CCDC85C: variants seen among roughly 807,000 people sequenced by gnomAD.
CCDC85C encodes coiled-coil domain-containing protein 85C.
Under a neutral mutation model 38.3 loss-of-function variants are expected in CCDC85C, and 18 were observed. The observed-to-expected ratio is 0.47, with a 90% confidence interval of 0.33 to 0.70. The LOEUF (loss-of-function observed/expected upper bound fraction) is 0.70. Among genes scored for constraint, CCDC85C ranks in the 30% least tolerant of loss-of-function variants. The probability of loss-of-function intolerance (pLI) is 0.03; values close to 1 mark genes in which losing one functional copy is unlikely to be tolerated. For missense variants in CCDC85C, 566 were observed against 621.2 expected, an observed-to-expected ratio of 0.91 and a Z score of 0.94; for synonymous variants, 264 against 293.8, an observed-to-expected ratio of 0.90 and a Z score of 1.04.
chr14:99,583,253 C>G (rs926759588), intron 1 of CCDC85C: 1 of 152,008 alleles, frequency 6.6e-6, no homozygotes, highest in African/African-American at 2.4e-5. Context: ...ACCTGTAATC[C>G]CAGCACTTTG....
Position 99,507,408 on chromosome 14 carries a change from C to T in CCDC85C, c.*7838G>A. The stretch of plus-strand genomic sequence containing the variant: ...CCTGGGCAACAAAGTGAGACCCTGT[C>T]TAAAAAATTAGCCAGGTGTGGTAGC... On this transcript the variant is annotated 3_prime_UTR_variant, in exon 6 of 6. Coordinates refer to ENST00000380243, the MANE Select transcript of CCDC85C (RefSeq NM_001144995.2). The T allele has an allele frequency of 2.2e-6, 1 of 460,508 alleles. No homozygotes were observed. Among genetic ancestry groups the T allele is most frequent in the Non-Finnish European group, 4.0e-6 (1 of 248,712 alleles). 28.5% of individuals were successfully genotyped at this position (460,508 alleles called of 1,614,324 possible). A position where few individuals can be genotyped will look rare whatever the true frequency, so the allele number is the denominator to read the frequency against.
Position 99,503,640 on chromosome 14 carries a change from A to G in CCDC85C, c.*11606T>C. The G allele has an allele frequency of 6.4e-7, 1 of 1,559,738 alleles. No homozygotes were observed. The highest frequency in any genetic ancestry group is 8.7e-7 in the Non-Finnish European group (1 of 1,149,792). On this transcript the variant is annotated 3_prime_UTR_variant, in exon 6 of 6. Coordinates refer to ENST00000380243, the MANE Select transcript of CCDC85C (RefSeq NM_001144995.2). ...TTTCTCCCAAAGAAGAGAACAAAGCAGCAGGTAATTTCCTGTTCTGATGTT... is the reference window on the plus strand; with the variant it reads ...TTTCTCCCAAAGAAGAGAACAAAGCGGCAGGTAATTTCCTGTTCTGATGTT...
At chr14:99,538,189 C>T (rs912171553) in intron 1 of CCDC85C, among the ~76,000 whole-genome samples, 18 of 152,190 alleles carry the variant, frequency 1.2e-4, no homozygotes, top group African/African-American at 4.3e-4. Flanking sequence ...GCAGAGGCCA[C>T]AAGGAACAAA....
At chr14:99,530,705 C>T (rs948234170) in intron 2 of CCDC85C, among the ~76,000 whole-genome samples, 4 of 152,214 alleles carry the variant, frequency 2.6e-5, no homozygotes, top group Admixed American at 6.5e-5. Context: ...CCCTTGGGAC[C>T]GCCTGGGGTG....
rs764603478 is a variant in CCDC85C, at chr14:99,510,380, G to T, written c.*4866C>A. ...TGTCTGGAGAGGGCTACCAGAGCCTGCAGTCCATGATGAAGACCGAGGGAC... is the reference window on the plus strand; with the variant it reads ...TGTCTGGAGAGGGCTACCAGAGCCTTCAGTCCATGATGAAGACCGAGGGAC... On this transcript the variant is annotated 3_prime_UTR_variant, in exon 6 of 6. Transcript: ENST00000380243. The T allele has an allele frequency of 1.3e-6, 2 of 1,576,050 alleles. No individual in the cohort carries two copies. The highest frequency in any genetic ancestry group is 1.2e-5 in the South Asian group (1 of 86,122).
At chr14:99,596,077 G>A (rs1051883095) in intron 1 of CCDC85C, among the ~76,000 whole-genome samples, 17 of 152,238 alleles carry the variant, frequency 1.1e-4, no homozygotes, top group Non-Finnish European at 2.2e-4. Flanking sequence ...TGGCCCTGGG[G>A]TGGGCCCCTG....
In CCDC85C at chr14:99,572,169, T is replaced by A. The variant is rs1255079579; in HGVS notation, c.793+30998A>T. On this transcript the variant is annotated intron_variant, in intron 1 of 5. Transcript: ENST00000380243. This position sits in a 1 kb window ranked among gnomAD's most constrained non-coding sequence, Gnocchi z 4.4. ...CTGAGGGCTCAAATTCACAGGGTGGTGGTCCCTAGAAAGACCTCCAGGGTG... is the reference window on the plus strand; with the variant it reads ...CTGAGGGCTCAAATTCACAGGGTGGAGGTCCCTAGAAAGACCTCCAGGGTG... Among the ~76,000 whole-genome samples the A allele has an allele frequency of 1.3e-5, 2 of 152,164 alleles. No individual in the cohort carries two copies. The highest frequency in any genetic ancestry group is 4.8e-5 in the African/African-American group (2 of 41,442).
At chr14:99,519,065 A>G (rs1436084146) in intron 3 of CCDC85C, among the ~76,000 whole-genome samples, 1 of 136,336 alleles carries the variant, frequency 7.3e-6, no homozygotes. Flanking sequence ...CACTGCTCCC[A>G]GCAGGCACTA....
intron 1 of CCDC85C, among the ~76,000 whole-genome samples, chr14:99,538,396 C>A (rs1022400017): frequency 3.9e-5 from 6 of 152,220 alleles, no homozygotes; most frequent in African/African-American, 7.2e-5. Context: ...AGGCTCTCCG[C>A]AGCGCAATCC....
chr14:99,596,148 C>T (rs1305990058), intron 1 of CCDC85C, among the ~76,000 whole-genome samples: 1 of 152,222 alleles, frequency 6.6e-6, no homozygotes, highest in African/African-American at 2.4e-5. Flanking sequence ...GTTTCCGGCT[C>T]TCCCGGGCCT....
At chr14:99,577,661 G>T (rs1159035475) in intron 1 of CCDC85C, among the ~76,000 whole-genome samples, 1 of 150,796 alleles carries the variant, frequency 6.6e-6, no homozygotes, top group Non-Finnish European at 1.5e-5. Flanking sequence ...CATACAGCCC[G>T]TCCTGCATCC....
intron 1 of CCDC85C, among the ~76,000 whole-genome samples, chr14:99,581,419 G>C (rs896336097): frequency 2.0e-5 from 3 of 152,236 alleles, no homozygotes; most frequent in Non-Finnish European, 2.9e-5. Context: ...AGAGCTGCCA[G>C]GTAGGAGGAC....
chr14:99,515,152 AG>A lies in CCDC85C; in HGVS notation c.*93del. 1 of 864,778 alleles carries A rather than the reference AG, an allele frequency of 1.2e-6. No homozygotes were observed. The highest frequency in any genetic ancestry group is 1.8e-6 in the Non-Finnish European group (1 of 552,424). 53.6% of individuals were successfully genotyped at this position (864,778 alleles called of 1,614,324 possible). ...ACAGTTCACCACAGAGGAAGAAGAC[AG>A]GGGCTGGGCTGGAGGTCCTGCCCGT... On this transcript the variant is annotated 3_prime_UTR_variant, in exon 6 of 6. Transcript: ENST00000380243.
intron 1 of CCDC85C, among the ~76,000 whole-genome samples, chr14:99,581,859 T>C (rs1299030343): frequency 2.0e-5 from 3 of 152,202 alleles, no homozygotes; most frequent in African/African-American, 7.2e-5. Flanking sequence ...CGTTCCATCT[T>C]AACAACTAAA....
intron 1 of CCDC85C, among the ~76,000 whole-genome samples, chr14:99,579,520 G>A (rs2054942168): frequency 1.3e-5 from 2 of 152,214 alleles, no homozygotes; most frequent in Non-Finnish European, 2.9e-5. Flanking sequence ...CAGATCCCAG[G>A]GCATGTGTTC....
At position 99,501,342 on chromosome 14, in the gene CCDC85C, G is replaced by A. The variant is rs1281981649; in HGVS notation, c.*13904C>T. 2 of 1,569,898 alleles carry A rather than the reference G, an allele frequency of 1.3e-6. No homozygotes were observed. Among genetic ancestry groups the A allele is most frequent in the Admixed American group, 1.7e-5 (1 of 59,470 alleles). Reference sequence around the variant, plus strand: ...TCTATTGCTATTAATTTACCTTTTTGTCCCCATTTCTAGGTGATAAAAACA... The same window carrying A: ...TCTATTGCTATTAATTTACCTTTTTATCCCCATTTCTAGGTGATAAAAACA... On this transcript the variant is annotated 3_prime_UTR_variant, in exon 6 of 6. Coordinates refer to ENST00000380243, the MANE Select transcript of CCDC85C (RefSeq NM_001144995.2).
chr14:99,572,097 C>G lies in CCDC85C; in HGVS notation c.793+31070G>C, dbSNP rs756646565. On this transcript the variant is annotated intron_variant, in intron 1 of 5. Coordinates refer to ENST00000380243, the MANE Select transcript of CCDC85C (RefSeq NM_001144995.2). The surrounding 1 kb of genome is among the most constrained non-coding windows in gnomAD (Gnocchi z 4.4). Reference sequence around the variant, plus strand: ...ACCCTAACCCAGCACCCGCAAGTCTCTGGAAGGCAGCGGCAAGGGCCAGAT... The same window carrying G: ...ACCCTAACCCAGCACCCGCAAGTCTGTGGAAGGCAGCGGCAAGGGCCAGAT... Among the ~76,000 whole-genome samples the G allele has an allele frequency of 6.6e-6, 1 of 152,200 alleles. No individual in the cohort carries two copies. Among genetic ancestry groups the G allele is most frequent in the African/African-American group, 2.4e-5 (1 of 41,446 alleles).
intron 1 of CCDC85C, chr14:99,580,157 C>T (rs761510336): frequency 5.5e-5 from 25 of 454,732 alleles, no homozygotes; most frequent in South Asian, 2.5e-4. Context: ...GCCTGGCCCC[C>T]GGCACACCCA....
At chr14:99,557,289 G>C (rs1898030543) in intron 1 of CCDC85C, among the ~76,000 whole-genome samples, 1 of 152,336 alleles carries the variant, frequency 6.6e-6, no homozygotes, top group African/African-American at 2.4e-5. Context: ...TAATTCACCA[G>C]GGCACGTGGT....
Sources: gnomAD v4.1 joint callset for allele counts (sites outside exome capture counted in the v4.1 genomes callset) on GRCh38, gnomAD v4.1.1 for gene constraint, Gnocchi (gnomAD v3.1) non-coding constraint, MANE v1.5 for transcripts, NCBI Gene and HGNC (gene_info 2026-07-23, HGNC 2026-07-21) for gene names.